The following ANKS6 variants were observed in gnomAD, a reference collection of about 807,000 sequenced individuals.
ANKS6 encodes the protein ankyrin repeat and sterile alpha motif domain containing 6.
ANKS6 carries 47 observed loss-of-function variants against 77.9 expected under a neutral mutation model. The ratio of observed to expected loss-of-function variants is 0.60; its 90% CI spans 0.48 to 0.77. ANKS6 has a LOEUF of 0.77. Among genes scored for constraint, ANKS6 ranks in the 30% least tolerant of loss-of-function variants. The pLI is 0.00. For missense variants in ANKS6, 1,150 were observed against 1,159.1 expected, an observed-to-expected ratio of 0.99 and a Z score of 0.11; for synonymous variants, 488 against 501.7, an observed-to-expected ratio of 0.97 and a Z score of 0.37.
At chr9:98,765,791 C>A (rs991617597) in intron 11 of ANKS6, among the ~76,000 whole-genome samples, 1 of 152,142 alleles carries the variant, frequency 6.6e-6, no homozygotes, top group African/African-American at 2.4e-5. Flanking sequence ...CTGCTAGATG[C>A]CATGCCTTGT....
chr9:98,789,776 T>C, intron 2 of ANKS6: 1 of 276,774 alleles, frequency 3.6e-6, no homozygotes, highest in South Asian at 1.1e-4. Flanking sequence ...CTATTTGGCC[T>C]TTTACAGAAA....
At chr9:98,783,580 C>T (rs1834396845) in intron 4 of ANKS6, 1 of 169,162 alleles carries the variant, frequency 5.9e-6, no homozygotes, top group Non-Finnish European at 1.2e-5. Context: ...TATGAATAAC[C>T]AATGTTTACT....
At chr9:98,744,678 C>A (rs1832023689) in intron 14 of ANKS6, among the ~76,000 whole-genome samples, 1 of 151,824 alleles carries the variant, frequency 6.6e-6, no homozygotes, top group Non-Finnish European at 1.5e-5. Flanking sequence ...CTCCACATAT[C>A]GTGGAACACA....
intron 3 of ANKS6, 88 bp downstream of exon 3, chr9:98,784,744 G>A (rs1190198329): frequency 8.2e-7 from 1 of 1,212,680 alleles, no homozygotes; most frequent in Non-Finnish European, 1.2e-6. Flanking sequence ...AATACCCTGG[G>A]TGGCCCTGCA....
At chr9:98,788,354 C>A (rs945781644) in intron 2 of ANKS6, among the ~76,000 whole-genome samples, 1 of 152,136 alleles carries the variant, frequency 6.6e-6, no homozygotes, top group South Asian at 2.1e-4. Context: ...CCCTCCCCTG[C>A]AAAATGGGGG....
Position 98,784,888 on chromosome 9 carries a change from A to T in ANKS6, c.863-12T>A. On this transcript the variant is annotated splice_polypyrimidine_tract_variant and intron_variant, in intron 2 of 14. Coordinates refer to ENST00000353234, the MANE Select transcript of ANKS6 (RefSeq NM_173551.5). Reference sequence around the variant, plus strand: ...CCTTTTCTCCTCATCTGGGTAAACAAAGATTTTTAAAGTTAACCACGGAAA... The same window carrying T: ...CCTTTTCTCCTCATCTGGGTAAACATAGATTTTTAAAGTTAACCACGGAAA... 1 of 1,611,800 alleles carries T rather than the reference A, an allele frequency of 6.2e-7. No individual in the cohort carries two copies. Among genetic ancestry groups the T allele is most frequent in the Non-Finnish European group, 8.5e-7 (1 of 1,179,042 alleles).
At chr9:98,750,690 A>C (rs750597660) in intron 13 of ANKS6, among the ~76,000 whole-genome samples, 1 of 152,242 alleles carries the variant, frequency 6.6e-6, no homozygotes, top group South Asian at 2.1e-4. Flanking sequence ...ATCCAGACAC[A>C]TAACACAGGT....
In ANKS6 at chr9:98,733,301, A is replaced by T; in HGVS notation, c.*3218T>A. 1.0e-6 allele frequency: 1 copy of T among 985,528 alleles called. No individual in the cohort carries two copies. The highest frequency in any genetic ancestry group is 1.2e-6 in the Non-Finnish European group (1 of 829,998). The allele number at this position is 985,528 out of a possible 1,614,324, so 61.0% of individuals were successfully genotyped here. On this transcript the variant is annotated 3_prime_UTR_variant, in exon 15 of 15. Coordinates refer to ENST00000353234, the MANE Select transcript of ANKS6 (RefSeq NM_173551.5). ...GAGGCAGGAGCCCTCCGTGGCCAGC[A>T]GGGACTTGGACATCCAGCACTCACG...
chr9:98,742,987 T>G (rs1223300395), intron 14 of ANKS6, among the ~76,000 whole-genome samples: 1 of 152,212 alleles, frequency 6.6e-6, no homozygotes, highest in East Asian at 1.9e-4. Flanking sequence ...TTCCTAAGGT[T>G]TGCACACTAG....
chr9:98,743,760 T>C (rs1385849124), intron 14 of ANKS6, among the ~76,000 whole-genome samples: 2 of 152,192 alleles, frequency 1.3e-5, no homozygotes, highest in Admixed American at 1.3e-4. Flanking sequence ...GACTATAATG[T>C]GTGACATGCT....
chr9:98,789,277 G>A (rs1355195531), intron 2 of ANKS6, among the ~76,000 whole-genome samples: 2 of 151,940 alleles, frequency 1.3e-5, no homozygotes, highest in Non-Finnish European at 1.5e-5. Flanking sequence ...TCGAAGTCAG[G>A]CCTTTTACAT....
Position 98,791,128 on chromosome 9 carries a change from G to C in ANKS6, c.360-522C>G, listed in dbSNP as rs1437239064. 6.6e-6 allele frequency among the ~76,000 whole-genome samples: 1 copy of C among 152,178 alleles called. No homozygotes were observed. The stretch of plus-strand genomic sequence containing the variant: ...GCCCTTGCTTTTTCTCTTACACCAT[G>C]CTGCCTCCTACATTTCAGACAGTCG... On this transcript the variant is annotated intron_variant, in intron 1 of 14. Coordinates refer to ENST00000353234, the MANE Select transcript of ANKS6 (RefSeq NM_173551.5). The surrounding 1 kb of genome is among the most constrained non-coding windows in gnomAD (Gnocchi z 4.3).
chr9:98,737,717 AAATTAGAAAAAAC>A (rs1189000340), intron 14 of ANKS6, among the ~76,000 whole-genome samples: 12 of 152,320 alleles, frequency 7.9e-5, no homozygotes, highest in Admixed American at 3.3e-4. Context: ...ATTCTCCACA[AAATTAGAAAAAAC>A]AATTCTAAAA....
At chr9:98,738,073 CA>C in intron 14 of ANKS6, among the ~76,000 whole-genome samples, 1 of 152,220 alleles carries the variant, frequency 6.6e-6, no homozygotes, top group East Asian at 1.9e-4. Context: ...TCAGCTTATT[CA>C]AAAATCAACT....
At chr9:98,783,791 G>A (rs1203902009) in intron 4 of ANKS6, 162 bp downstream of exon 4, 9 of 545,098 alleles carry the variant, frequency 1.7e-5, no homozygotes, top group African/African-American at 4.6e-5. Context: ...GGACTAAAAT[G>A]AGCCTGTGCC....
Position 98,735,870 on chromosome 9 carries a change from A to C in ANKS6, c.*649T>G. ...ATGCTACAGCAGTCACATACACAGC[A>C]CTAAGGGACCCAGTGGCTGAAAGGG... On this transcript the variant is annotated 3_prime_UTR_variant, in exon 15 of 15. Coordinates refer to ENST00000353234, the MANE Select transcript of ANKS6 (RefSeq NM_173551.5). The C allele has an allele frequency of 1.6e-6, 2 of 1,232,570 alleles. No individual in the cohort carries two copies. Among genetic ancestry groups the C allele is most frequent in the Non-Finnish European group, 2.0e-6 (2 of 988,688 alleles). The allele number at this position is 1,232,570 out of a possible 1,614,324, so 76.4% of individuals were successfully genotyped here.
Position 98,732,782 on chromosome 9 carries a change from C to T in ANKS6, c.*3737G>A. On this transcript the variant is annotated 3_prime_UTR_variant, in exon 15 of 15. Coordinates refer to ENST00000353234, the MANE Select transcript of ANKS6 (RefSeq NM_173551.5). ...ACATCACGCAGCACTAGGTCTATGTCCAGTGCTCTTTCCAGGGTAACAGGT... is the reference window on the plus strand; with the variant it reads ...ACATCACGCAGCACTAGGTCTATGTTCAGTGCTCTTTCCAGGGTAACAGGT... The T allele has an allele frequency of 7.2e-7, 1 of 1,380,500 alleles. No homozygotes were observed. Among genetic ancestry groups the T allele is most frequent in the Non-Finnish European group, 9.4e-7 (1 of 1,068,752 alleles). The allele number at this position is 1,380,500 out of a possible 1,614,324, so 85.5% of individuals were successfully genotyped here.
intron 13 of ANKS6, chr9:98,746,179 A>T: frequency 6.5e-6 from 1 of 153,874 alleles, no homozygotes; most frequent in East Asian, 1.9e-4. Context: ...GAATAAGGGC[A>T]TCTCAAAACT....
At chr9:98,752,485 A>G (rs543693453) in intron 12 of ANKS6, among the ~76,000 whole-genome samples, 1 of 152,006 alleles carries the variant, frequency 6.6e-6, no homozygotes, top group Admixed American at 6.6e-5. Context: ...ACTGTGCCCA[A>G]TGGACACTAG....
Sources: allele counts gnomAD v4.1 joint callset (sites outside exome capture counted in the v4.1 genomes callset), GRCh38; gene constraint gnomAD v4.1.1; non-coding constraint Gnocchi (gnomAD v3.1); transcripts MANE v1.5; gene names NCBI Gene and HGNC (gene_info 2026-07-23, HGNC 2026-07-21).